The following HMGCLL1 variants were observed in gnomAD, a reference collection of about 807,000 sequenced individuals.
The protein encoded by HMGCLL1 is 3-hydroxymethyl-3-methylglutaryl-CoA lyase, cytoplasmic.
HMGCLL1 carries 36 observed loss-of-function variants against 39.1 expected under a neutral mutation model. The observed-to-expected ratio is 0.92, with a 90% CI of 0.71 to 1.22. The LOEUF (loss-of-function observed/expected upper bound fraction) is 1.22. Among genes scored for constraint, HMGCLL1 ranks in the 50% most tolerant of loss-of-function variants. The pLI, the probability that HMGCLL1 is intolerant of heterozygous loss-of-function variation, is 0.00. For missense variants in HMGCLL1, 451 were observed against 416.5 expected (o/e 1.08, Z -0.72); for synonymous variants, 149 against 144.0 (o/e 1.03, Z -0.25).
the HMGCLL1 span, among the ~76,000 whole-genome samples, chr6:55,675,844 G>A: frequency 5.9e-5 from 9 of 151,924 alleles, no homozygotes; most frequent in East Asian, 1.9e-4. Context: ...TAATTACATC[G>A]TTCTTTGTGT....
intron 7 of HMGCLL1, among the ~76,000 whole-genome samples, chr6:55,445,912 A>G (rs891617784): frequency 6.6e-6 from 1 of 152,096 alleles, no homozygotes; most frequent in Non-Finnish European, 1.5e-5. Flanking sequence ...TAAATAGTAA[A>G]TAGTTTTATA....
rs539163968 is a variant in HMGCLL1 at position 55,495,590 on chromosome 6, G to A, written c.624C>T (p.Tyr208=). 7.4e-5 allele frequency: 119 copies of A among 1,607,842 alleles called. 1 individual carries two copies. Among genetic ancestry groups the A allele is most frequent in the South Asian group, 4.3e-4 (39 of 89,998 alleles). Residue 208 remains tyrosine (Y), a synonymous_variant, in exon 7 of 9, where the codon TAC becomes TAT. Coordinates refer to ENST00000274901, the MANE Select transcript of HMGCLL1 (RefSeq NM_001042406.2). Reference sequence around the variant, plus strand: ...GAGAGATCTCATAACAACCCATGCCGTACAATCTCTTAGACACCTGTTGAT... The same window carrying A: ...GAGAGATCTCATAACAACCCATGCCATACAATCTCTTAGACACCTGTTGAT... ...QKVTEVSKRL[Y]GMGCYEISLG...
At chr6:55,438,768 T>C (rs1383846220) in intron 8 of HMGCLL1, among the ~76,000 whole-genome samples, 1 of 152,084 alleles carries the variant, frequency 6.6e-6, no homozygotes, top group Non-Finnish European at 1.5e-5. Flanking sequence ...TTATTTTACA[T>C]CTCAGAAATT....
the HMGCLL1 span, among the ~76,000 whole-genome samples, chr6:55,643,678 T>C: frequency 6.6e-6 from 1 of 152,032 alleles, no homozygotes; most frequent in Non-Finnish European, 1.5e-5. Context: ...TTTTTATTTT[T>C]AGATCCCCCA....
the HMGCLL1 span, among the ~76,000 whole-genome samples, chr6:55,603,655 G>A: frequency 6.6e-6 from 1 of 152,104 alleles, no homozygotes; most frequent in Non-Finnish European, 1.5e-5. Context: ...AAAACTGGTA[G>A]TATCTTTCCT....
chr6:55,549,394 G>A (rs958265220), intron 1 of HMGCLL1, among the ~76,000 whole-genome samples: 3 of 151,524 alleles, frequency 2.0e-5, no homozygotes, highest in African/African-American at 7.3e-5. Flanking sequence ...GTGTGTGTGT[G>A]TGTGTGTGTG....
intron 1 of HMGCLL1, among the ~76,000 whole-genome samples, chr6:55,544,086 C>G (rs1769811237): frequency 6.6e-6 from 1 of 152,022 alleles, no homozygotes; most frequent in Admixed American, 6.6e-5. Flanking sequence ...AAAGACAGAC[C>G]TATTCCTAGT....
chr6:55,538,271 A>T (rs1385125702), intron 3 of HMGCLL1, among the ~76,000 whole-genome samples: 1 of 152,204 alleles, frequency 6.6e-6, no homozygotes, highest in African/African-American at 2.4e-5. Flanking sequence ...TTGTACCTGA[A>T]ATATAACTTT....
At chr6:55,630,780 C>T in the HMGCLL1 span, among the ~76,000 whole-genome samples, 4 of 152,066 alleles carry the variant, frequency 2.6e-5, no homozygotes, top group African/African-American at 7.2e-5. Flanking sequence ...CTGCCCCGCT[C>T]CATGTGAGAC....
the HMGCLL1 span, among the ~76,000 whole-genome samples, chr6:55,628,032 G>GTTATATACTATA: frequency 1.7e-3 from 1 of 588 alleles, no homozygotes; most frequent in Non-Finnish European, 2.4e-3. Flanking sequence ...TATATATATA[G>GTTATATACTATA]TATATTTTAT....
At chr6:55,526,710 C>G (rs781333814) in intron 3 of HMGCLL1, among the ~76,000 whole-genome samples, 4 of 151,910 alleles carry the variant, frequency 2.6e-5, no homozygotes, top group Non-Finnish European at 4.4e-5. Context: ...ACATGTTAAA[C>G]CTATGGGTAT....
chr6:55,540,389 C>T (rs1016711636), intron 3 of HMGCLL1, among the ~76,000 whole-genome samples: 9 of 152,066 alleles, frequency 5.9e-5, no homozygotes, highest in Non-Finnish European at 1.3e-4. Context: ...TGGGAGATAA[C>T]TAGGTGATGG....
the HMGCLL1 span, among the ~76,000 whole-genome samples, chr6:55,669,743 A>T: frequency 6.6e-6 from 1 of 151,848 alleles, no homozygotes; most frequent in Admixed American, 6.6e-5. Context: ...TAAAAAGCAG[A>T]ATGAAAACGA....
Position 55,474,695 on chromosome 6 carries a change from G to A in HMGCLL1, c.795+20724C>T, listed in dbSNP as rs187738808. Among the ~76,000 whole-genome samples, 118 of 151,508 alleles carry A rather than the reference G, an allele frequency of 7.8e-4. 1 individual carries two copies. Among genetic ancestry groups the A allele is most frequent in the Middle Eastern group, 6.8e-3 (2 of 294 alleles). ...TTTCATCTGCCTTTGATTTGTTGTTGTTGTTGTCGTTGAAAGCCTACACAT... is the reference window on the plus strand; with the variant it reads ...TTTCATCTGCCTTTGATTTGTTGTTATTGTTGTCGTTGAAAGCCTACACAT... On this transcript the variant is annotated intron_variant, in intron 7 of 8. Transcript: ENST00000274901.
chr6:55,590,186 T>C, the HMGCLL1 span, among the ~76,000 whole-genome samples: 2 of 152,144 alleles, frequency 1.3e-5, no homozygotes, highest in Admixed American at 6.6e-5. Context: ...AACAGCATGG[T>C]ACTGTTACTA....
chr6:55,650,104 T>TA, the HMGCLL1 span, among the ~76,000 whole-genome samples: 2 of 68,756 alleles, frequency 2.9e-5, no homozygotes, highest in Non-Finnish European at 5.3e-5. Context: ...TATATATATA[T>TA]ATATATATAT....
chr6:55,506,424 A>T (rs1767165412), intron 5 of HMGCLL1, among the ~76,000 whole-genome samples: 1 of 151,654 alleles, frequency 6.6e-6, no homozygotes, highest in Non-Finnish European at 1.5e-5. Flanking sequence ...TAAGAGTCCC[A>T]TACTGGTAGA....
intron 6 of HMGCLL1, among the ~76,000 whole-genome samples, chr6:55,498,478 T>C (rs1766704834): frequency 1.3e-5 from 2 of 152,246 alleles, no homozygotes; most frequent in Middle Eastern, 3.4e-3. Context: ...ACTGAAACTT[T>C]ATCCTGCCTA....
chr6:55,527,160 G>A (rs887807279), intron 3 of HMGCLL1, among the ~76,000 whole-genome samples: 6 of 152,104 alleles, frequency 3.9e-5, no homozygotes, highest in Non-Finnish European at 7.4e-5. Flanking sequence ...TAAAGATTGT[G>A]TGCATCAGAA....
Sources: gnomAD v4.1 joint callset for allele counts (sites outside exome capture counted in the v4.1 genomes callset) on GRCh38, gnomAD v4.1.1 for gene constraint, MANE v1.5 for transcripts, NCBI Gene and HGNC (gene_info 2026-07-23, HGNC 2026-07-21) for gene names.